The following PLB1 variants were observed in gnomAD, a reference collection of about 807,000 sequenced individuals.
PLB1 encodes the protein phospholipase B1.
A neutral mutation model predicts 227.4 loss-of-function variants in PLB1; 242 were observed. The observed-to-expected ratio is 1.06, with a 90% CI of 0.96 to 1.18. PLB1 has a LOEUF of 1.18. Among genes scored for constraint, PLB1 ranks in the 50% most tolerant of loss-of-function variants. The pLI is 0.00. For synonymous variants in PLB1, 757 were observed against 682.2 expected (o/e 1.11, Z -1.71); for missense variants, 1,858 against 1,816.3 (o/e 1.02, Z -0.42).
intron 26 of PLB1, among the ~76,000 whole-genome samples, chr2:28,588,493 A>T (rs936312903): frequency 6.6e-6 from 1 of 152,190 alleles, no homozygotes; most frequent in African/African-American, 2.4e-5. Flanking sequence ...GGGAAAAGAC[A>T]GTGTGTGGTG....
intron 5 of PLB1, 131 bp downstream of exon 5, chr2:28,525,438 A>T: frequency 9.8e-7 from 1 of 1,019,822 alleles, no homozygotes; most frequent in Middle Eastern, 3.1e-4. Context: ...CCCTCTGAGA[A>T]GGTAGCAGAG....
intron 43 of PLB1, among the ~76,000 whole-genome samples, chr2:28,612,769 A>ATTTTTTTTTTT (rs10557060): frequency 3.2e-5 from 4 of 124,908 alleles, no homozygotes; most frequent in South Asian, 2.6e-4. Flanking sequence ...CCACACCTGG[A>ATTTTTTTTTTT]TTTTTTTTTT....
At chr2:28,579,102 C>T (rs965844519) in intron 22 of PLB1, among the ~76,000 whole-genome samples, 4 of 152,178 alleles carry the variant, frequency 2.6e-5, no homozygotes, top group African/African-American at 9.7e-5. Flanking sequence ...CTTAGAGCTG[C>T]CACCTTACCC....
At chr2:28,527,457 G>A (rs901928881) in intron 6 of PLB1, among the ~76,000 whole-genome samples, 5 of 152,250 alleles carry the variant, frequency 3.3e-5, no homozygotes, top group African/African-American at 1.2e-4. Flanking sequence ...ATCCAGGCCT[G>A]TGCTGTGCAG....
intron 46 of PLB1, 105 bp downstream of exon 46, chr2:28,618,504 G>T: frequency 1.7e-6 from 2 of 1,195,090 alleles, no homozygotes; most frequent in Non-Finnish European, 2.4e-6. Flanking sequence ...TGCTGAGCCC[G>T]TGTTACTGAG....
intron 1 of PLB1, among the ~76,000 whole-genome samples, chr2:28,502,037 G>T (rs1046237405): frequency 2.0e-5 from 3 of 152,110 alleles, no homozygotes; most frequent in Admixed American, 6.5e-5. Flanking sequence ...ATATAGATTT[G>T]TTAGGTATTA....
At chr2:28,627,585 C>T (rs1009148105) in intron 51 of PLB1, among the ~76,000 whole-genome samples, 2 of 152,330 alleles carry the variant, frequency 1.3e-5, no homozygotes, top group African/African-American at 2.4e-5. Flanking sequence ...TTTAACTCTT[C>T]GGCATGGATT....
intron 52 of PLB1, 85 bp from the exon 53 acceptor site, chr2:28,629,002 TTGAGGGG>T: frequency 9.5e-7 from 1 of 1,050,808 alleles, no homozygotes; most frequent in Non-Finnish European, 1.4e-6. Context: ...ATTGGTAAAA[TTGAGGGG>T]AGTGGGAATT....
chr2:28,592,906 A>G (rs1418643041), intron 32 of PLB1, among the ~76,000 whole-genome samples, 187 bp downstream of exon 32: 6 of 152,222 alleles, frequency 3.9e-5, no homozygotes, highest in Non-Finnish European at 7.3e-5. Flanking sequence ...TGCAGAGGAA[A>G]TCTTTTTTGG....
At chr2:28,501,380 T>C (rs943673860) in intron 1 of PLB1, among the ~76,000 whole-genome samples, 1 of 152,220 alleles carries the variant, frequency 6.6e-6, no homozygotes, top group Non-Finnish European at 1.5e-5. Flanking sequence ...TATATCCCAC[T>C]CAGGGTGTAT....
intron 48 of PLB1, 79 bp from the exon 49 acceptor site, chr2:28,620,800 C>A: frequency 1.4e-6 from 2 of 1,479,172 alleles, no homozygotes; most frequent in Non-Finnish European, 1.9e-6. Context: ...ATGTCCCCAC[C>A]CTGCATGCTC....
At position 28,578,140 on chromosome 2, in the gene PLB1, C is replaced by G. The variant is rs1012883452; in HGVS notation, c.1467C>G (p.Asp489Glu). ...CTGTCCAGGCCAGGAGGCTGGTGGA[C>G]CTGATGAAGAATGACACGGTGGGTC... Reference protein sequence around the residue: ...DLPVQARRLVDLMKNDTRIHF... With the variant: ...DLPVQARRLVELMKNDTRIHF... Residue 489 changes from aspartate (D) to glutamate (E), a missense_variant, in exon 22 of 58, where the codon GAC (aspartate) becomes GAG (glutamate). By Grantham distance (45) the Asp-to-Glu change is conservative (BLOSUM62 2). Coordinates refer to ENST00000327757, the MANE Select transcript of PLB1 (RefSeq NM_153021.5). 1.9e-6 allele frequency: 3 copies of G among 1,614,102 alleles called. No individual in the cohort carries two copies. The highest frequency in any genetic ancestry group is 2.5e-6 in the Non-Finnish European group (3 of 1,179,978).
Position 28,626,441 on chromosome 2 carries a change from A to G in PLB1, c.3593A>G (p.Glu1198Gly), listed in dbSNP as rs149080725. The change falls in exon 51 of 58, where the codon GAG becomes GGG. Residue 1198 changes from glutamate to glycine, a missense_variant. Transcript: ENST00000327757. ...RMKNSPDINLEKDWKLVTLFI... is the reference protein window; with the variant it reads ...RMKNSPDINLGKDWKLVTLFI... ...CTGTCCCCTCAGGACATCAACCTGG[A>G]GAAAGACTGGAAGCTGGTCACACTC... The G allele has an allele frequency of 9.7e-5, 157 of 1,614,134 alleles. No homozygotes were observed. The African/African-American group carries it at 1.9e-3, about 20-fold the overall frequency.
chr2:28,618,311 C>G lies in PLB1; in HGVS notation c.3257-30C>G, dbSNP rs568829278. ...TTAAGAGGTAGATACCCCCAGCCCC[C>G]ACAACCACCTCTCTGCTTGTCTCCC... On this transcript the variant is annotated intron_variant, in intron 45 of 57. Coordinates refer to ENST00000327757, the MANE Select transcript of PLB1 (RefSeq NM_153021.5). The G allele has an allele frequency of 8.1e-6, 13 of 1,608,534 alleles. No homozygotes were observed. The East Asian group carries it at 1.6e-4, about 19-fold the overall frequency.
At chr2:28,514,014 T>G (rs1360433389) in intron 1 of PLB1, among the ~76,000 whole-genome samples, 2 of 152,224 alleles carry the variant, frequency 1.3e-5, no homozygotes, top group Admixed American at 6.5e-5. Context: ...GTACAGGCAC[T>G]GGGTTAGATC....
At chr2:28,608,720 G>A (rs1685032306) in intron 43 of PLB1, among the ~76,000 whole-genome samples, 1 of 152,008 alleles carries the variant, frequency 6.6e-6, no homozygotes, top group Non-Finnish European at 1.5e-5. Flanking sequence ...CATTCTTTTT[G>A]ACCTCTCTGA....
At chr2:28,616,427 T>C (rs1686205453) in intron 44 of PLB1, among the ~76,000 whole-genome samples, 1 of 152,216 alleles carries the variant, frequency 6.6e-6, no homozygotes, top group Non-Finnish European at 1.5e-5. Flanking sequence ...TGGGAGCTTT[T>C]TAGAAATGCA....
Position 28,564,016 on chromosome 2 carries a change from G to A in PLB1, c.1206+917G>A, listed in dbSNP as rs150112094. ...GCACTTTAGAAGGCCAGGGTGGGAG[G>A]ATCACTTGAGGCCAGGGGGTCAAGG... On this transcript the variant is annotated intron_variant, in intron 18 of 57. Coordinates refer to ENST00000327757, the MANE Select transcript of PLB1 (RefSeq NM_153021.5). 3.4e-3 allele frequency among the ~76,000 whole-genome samples: 518 copies of A among 152,138 alleles called. 2 individuals carry two copies. The highest frequency in any genetic ancestry group is 0.012 in the African/African-American group (491 of 41,492).
At chr2:28,561,047 G>T (rs1337400937) in intron 17 of PLB1, among the ~76,000 whole-genome samples, 2 of 152,320 alleles carry the variant, frequency 1.3e-5, no homozygotes, top group Non-Finnish European at 2.9e-5. Context: ...TCTCCATGAA[G>T]CCTGCTGTGA....
Sources: allele counts gnomAD v4.1 joint callset (sites outside exome capture counted in the v4.1 genomes callset), GRCh38; gene constraint gnomAD v4.1.1; transcripts MANE v1.5; gene names NCBI Gene and HGNC (gene_info 2026-07-23, HGNC 2026-07-21).